Variants in PHF10 observed in about 807,000 individuals in gnomAD.
PHF10 encodes the protein BRG1-associated factor 45a.
PHF10 carries 51 observed loss-of-function variants against 68.5 expected under a neutral mutation model. The ratio of observed to expected loss-of-function variants is 0.74; its 90% CI spans 0.59 to 0.94. The LOEUF (loss-of-function observed/expected upper bound fraction) is 0.94. PHF10 is among the 40% of genes least tolerant of loss of function. PHF10 has a pLI of 0.00. For missense variants in PHF10, 460 were observed against 602.6 expected (o/e 0.76, Z 2.48); for synonymous variants, 204 against 203.5 (o/e 1.00, Z -0.02).
At chr6:169,705,500 C>T (rs945827113) in intron 10 of PHF10, 116 bp downstream of exon 10, 1 of 746,968 alleles carries the variant, frequency 1.3e-6, no homozygotes, top group East Asian at 2.6e-5. Context: ...TCACAAGCTA[C>T]CCTGTGTATT....
chr6:169,710,418 AT>A (rs1337698086), intron 8 of PHF10, 27 bp from the exon 9 acceptor site: 10 of 1,567,044 alleles, frequency 6.4e-6, no homozygotes, highest in Non-Finnish European at 8.7e-6. Flanking sequence ...AAAAACAAAG[AT>A]TCTTTGGAAT....
At chr6:169,712,628 C>T in intron 7 of PHF10, 89 bp from the exon 8 acceptor site, 1 of 1,093,174 alleles carries the variant, frequency 9.1e-7, no homozygotes, top group Non-Finnish European at 1.3e-6. Context: ...CCTTAAACTT[C>T]TTGAGTAACC....
In PHF10 at chr6:169,706,751, C is replaced by T. The variant is rs993568900; in HGVS notation, c.1114-1027G>A. On this transcript the variant is annotated intron_variant, in intron 9 of 11. Coordinates refer to ENST00000339209, the MANE Select transcript of PHF10 (RefSeq NM_018288.4). Reference sequence around the variant, plus strand: ...ATACACACACACACACACACACACACACACACACACACACACACACACACA... The same window carrying T: ...ATACACACACACACACACACACACATACACACACACACACACACACACACA... Among the ~76,000 whole-genome samples, 17 of 150,920 alleles carry T rather than the reference C, an allele frequency of 1.1e-4. No individual in the cohort carries two copies. In the South Asian group the frequency reaches 1.3e-3, roughly 11 times the overall value.
At chr6:169,714,890 C>T in intron 6 of PHF10, 48 bp from the exon 7 acceptor site, 1 of 1,001,860 alleles carries the variant, frequency 1.0e-6, no homozygotes, top group South Asian at 1.3e-5. Context: ...TGCTAAGAAT[C>T]AAGGCTTTAG....
chr6:169,719,077 G>A (rs1789117160), intron 2 of PHF10, 159 bp from the exon 3 acceptor site: 4 of 531,768 alleles, frequency 7.5e-6, no homozygotes, highest in Non-Finnish European at 1.3e-5. Flanking sequence ...ACAGGTACAA[G>A]GAATAGAAAT....
At chr6:169,716,215 A>G (rs903544064) in intron 4 of PHF10, 127 bp from the exon 5 acceptor site, 9 of 503,110 alleles carry the variant, frequency 1.8e-5, no homozygotes, top group African/African-American at 1.8e-4. Context: ...CCAAAGCAAA[A>G]TATCTTAGTA....
At chr6:169,720,521 T>G (rs1190000638) in intron 2 of PHF10, among the ~76,000 whole-genome samples, 1 of 152,196 alleles carries the variant, frequency 6.6e-6, no homozygotes, top group Non-Finnish European at 1.5e-5. Flanking sequence ...TTGAAGATAT[T>G]CAAAGTTCTA....
chr6:169,718,728 G>T (rs574963125), intron 3 of PHF10, 60 bp downstream of exon 3: 3 of 969,304 alleles, frequency 3.1e-6, no homozygotes, highest in Admixed American at 2.2e-5. Flanking sequence ...TTCAGAAGTT[G>T]ACAGTGTATC....
chr6:169,710,721 C>A (rs530800224), intron 8 of PHF10, among the ~76,000 whole-genome samples: 3 of 151,624 alleles, frequency 2.0e-5, no homozygotes, highest in Admixed American at 6.6e-5. Flanking sequence ...TTTTCCGTCA[C>A]AAGGGAACAT....
chr6:169,720,789 G>A lies in PHF10; in HGVS notation c.194+216C>T, dbSNP rs571038112. On this transcript the variant is annotated intron_variant, in intron 2 of 11. Transcript: ENST00000339209. Reference sequence around the variant, plus strand: ...TTTCACACTTAAAAATTGTTAAAATGATTAATTTTATGTATGTATGTATTT... The same window carrying A: ...TTTCACACTTAAAAATTGTTAAAATAATTAATTTTATGTATGTATGTATTT... Among the ~76,000 whole-genome samples the A allele has an allele frequency of 3.8e-3, 575 of 152,252 alleles. 5 individuals are homozygous for A. The highest frequency in any genetic ancestry group is 0.013 in the African/African-American group (544 of 41,560).
chr6:169,705,375 T>A, intron 10 of PHF10, 54 bp from the exon 11 acceptor site: 3 of 1,264,830 alleles, frequency 2.4e-6, no homozygotes, highest in South Asian at 2.8e-5. Flanking sequence ...TAACTTAATA[T>A]GGCACATAAA....
Position 169,717,819 on chromosome 6 carries a change from T to G in PHF10, c.409+4A>C, listed in dbSNP as rs770766080. 1 of 1,337,216 alleles carries G rather than the reference T, an allele frequency of 7.5e-7. No homozygotes were observed. The highest frequency in any genetic ancestry group is 1.1e-6 in the Non-Finnish European group (1 of 938,710). The allele number at this position is 1,337,216 out of a possible 1,614,324, so 82.8% of individuals were successfully genotyped here. On this transcript the variant is annotated splice_donor_region_variant and intron_variant, in intron 4 of 11. Coordinates refer to ENST00000339209, the MANE Select transcript of PHF10 (RefSeq NM_018288.4). ...AAAAATTCACATTAAAAAGCTATTC[T>G]TACCTAGAGTGCACTGAGTTTCAGT... is the stretch of plus-strand genomic sequence containing the variant.
At chr6:169,713,787 G>A (rs772766824) in intron 7 of PHF10, among the ~76,000 whole-genome samples, 3 of 151,908 alleles carry the variant, frequency 2.0e-5, no homozygotes, top group Non-Finnish European at 4.4e-5. Flanking sequence ...AAAAACATAC[G>A]GTTCCAGAGT....
At chr6:169,707,959 TAAC>T (rs1788842979) in intron 9 of PHF10, 1 of 152,126 alleles carries the variant, frequency 6.6e-6, no homozygotes, top group Non-Finnish European at 1.5e-5. Flanking sequence ...ACACAGCAGA[TAAC>T]AACTGTGGCT....
At chr6:169,721,243 C>G in intron 1 of PHF10, 132 bp from the exon 2 acceptor site, 1 of 546,008 alleles carries the variant, frequency 1.8e-6, no homozygotes, top group South Asian at 3.0e-5. Context: ...TAAAAGGGTC[C>G]AAGAGTTTGG....
intron 7 of PHF10, among the ~76,000 whole-genome samples, 188 bp from the exon 8 acceptor site, chr6:169,712,727 T>G (rs1351955679): frequency 6.6e-6 from 1 of 152,196 alleles, no homozygotes; most frequent in Non-Finnish European, 1.5e-5. Context: ...TTCACTAGAC[T>G]TATGTAAAAT....
rs767564289 is a variant in PHF10 at position 169,712,387 on chromosome 6, G to A, written c.956C>T (p.Ser319Leu). 3.5e-5 allele frequency: 57 copies of A among 1,613,030 alleles called. No individual in the cohort carries two copies. Among genetic ancestry groups the A allele is most frequent in the East Asian group, 8.9e-5 (4 of 44,884 alleles). The stretch of plus-strand genomic sequence containing the variant: ...CCTACTAGAGAGAAATGTTCTCACC[G>A]AAGTGCCTTTATTTTTCCGTTTCTC... ...GDEKRKNKGTSDSSSGNVSEG... is the reference protein window; with the variant it reads ...GDEKRKNKGTLDSSSGNVSEG... The change falls in exon 8 of 12, where the codon TCG becomes TTG. Residue 319 changes from serine (S) to leucine (L), a missense_variant and splice_region_variant. By Grantham distance (145) the Ser-to-Leu change is moderately radical (BLOSUM62 -2). Around this residue, in one of 3 missense-constraint regions of PHF10, gnomAD observed 256 missense variants for 410.5 expected, o/e 0.62. Coordinates refer to ENST00000339209, the MANE Select transcript of PHF10 (RefSeq NM_018288.4).
rs1031267563 is a variant in PHF10, at chr6:169,715,861, G to A, written c.544-4C>T. ...GAGTATTCTGTTGTTGCATTTGCTG[G>A]AAAAAAAAAATACAGTTGGAAGTCA... is the stretch of plus-strand genomic sequence containing the variant. On this transcript the variant is annotated splice_region_variant and splice_polypyrimidine_tract_variant and intron_variant, in intron 5 of 11. Coordinates refer to ENST00000339209, the MANE Select transcript of PHF10 (RefSeq NM_018288.4). 6.1e-6 allele frequency: 9 copies of A among 1,470,314 alleles called. No homozygotes were observed. Among genetic ancestry groups the A allele is most frequent in the Admixed American group, 4.0e-5 (2 of 50,492 alleles). The allele number at this position is 1,470,314 out of a possible 1,614,324, so 91.1% of individuals were successfully genotyped here. A position where few individuals can be genotyped will look rare whatever the true frequency, so the allele number is the denominator to read the frequency against.
At chr6:169,714,006 C>T (rs1047929938) in intron 7 of PHF10, among the ~76,000 whole-genome samples, 1 of 151,708 alleles carries the variant, frequency 6.6e-6, no homozygotes, top group South Asian at 2.1e-4. Context: ...CCTGCAGTCC[C>T]GCTATTTGGG....
Sources: allele counts gnomAD v4.1 joint callset (sites outside exome capture counted in the v4.1 genomes callset), GRCh38; gene constraint gnomAD v4.1.1; regional missense constraint gnomAD v4.1.1; transcripts MANE v1.5; gene names NCBI Gene and HGNC (gene_info 2026-07-23, HGNC 2026-07-21).